Variants in SLC35F4 observed in about 807,000 individuals in gnomAD.
The protein encoded by SLC35F4 is chromosome 14 open reading frame 36.
SLC35F4 carries 24 observed loss-of-function variants against 44.2 expected under a neutral mutation model. The ratio of observed to expected loss-of-function variants is 0.54; its 90% CI spans 0.39 to 0.76. The LOEUF (loss-of-function observed/expected upper bound fraction) is 0.76, where lower values mean the gene tolerates loss of function less well. SLC35F4 is among the 30% of genes least tolerant of loss of function. The pLI is 0.00. For synonymous variants in SLC35F4, 238 were observed against 223.6 expected (o/e 1.06, Z -0.57); for missense variants, 562 against 586.1 (o/e 0.96, Z 0.42).
chr14:57,966,340 A>T (rs999628932), intron 1 of SLC35F4, among the ~76,000 whole-genome samples: 15 of 152,216 alleles, frequency 9.9e-5, no homozygotes, highest in African/African-American at 3.6e-4. Context: ...ATGTTCTGTA[A>T]TTGGGAATTC....
intron 1 of SLC35F4, among the ~76,000 whole-genome samples, chr14:57,743,545 T>G (rs899706952): frequency 6.6e-6 from 1 of 152,212 alleles, no homozygotes; most frequent in Admixed American, 6.5e-5. Flanking sequence ...AATCCCTGAA[T>G]AGACTAATAA....
At chr14:57,566,132 C>T (rs562835022) in intron 7 of SLC35F4, among the ~76,000 whole-genome samples, 8 of 152,248 alleles carry the variant, frequency 5.3e-5, no homozygotes, top group African/African-American at 1.4e-4. Flanking sequence ...TCATTAGTGA[C>T]GGTTACTTGA....
At chr14:57,810,028 A>G (rs551999881) in intron 1 of SLC35F4, among the ~76,000 whole-genome samples, 23 of 152,322 alleles carry the variant, frequency 1.5e-4, no homozygotes, top group African/African-American at 5.1e-4. Flanking sequence ...AGAACGATCT[A>G]CTGTCATTTT....
intron 1 of SLC35F4, chr14:57,837,731 A>G (rs1284934847): frequency 6.6e-6 from 1 of 152,202 alleles, no homozygotes; most frequent in Non-Finnish European, 1.5e-5. Context: ...AATCTTCCCT[A>G]GAAAGGGGCT....
intron 1 of SLC35F4, among the ~76,000 whole-genome samples, chr14:57,619,045 G>A (rs567545563): frequency 6.6e-6 from 1 of 152,226 alleles, no homozygotes; most frequent in Non-Finnish European, 1.5e-5. Context: ...CTCCAGTCAG[G>A]GACTTATAGA....
chr14:57,922,074 A>G (rs1264460512), intron 1 of SLC35F4, among the ~76,000 whole-genome samples: 1 of 152,190 alleles, frequency 6.6e-6, no homozygotes, highest in Non-Finnish European at 1.5e-5. Flanking sequence ...CTGCTGCTAG[A>G]TGAGATCTTT....
At chr14:57,734,046 G>A (rs1456287789) in intron 1 of SLC35F4, among the ~76,000 whole-genome samples, 2 of 152,148 alleles carry the variant, frequency 1.3e-5, no homozygotes, top group East Asian at 1.9e-4. Flanking sequence ...GCCCCATGTA[G>A]CGTAAGGAAA....
At chr14:57,621,435 A>G (rs2072173968) in intron 1 of SLC35F4, among the ~76,000 whole-genome samples, 1 of 152,144 alleles carries the variant, frequency 6.6e-6, no homozygotes, top group Admixed American at 6.5e-5. Context: ...AGGCTACAGT[A>G]ACCAAAACAG....
At chr14:57,874,933 G>C (rs1243387382) in intron 1 of SLC35F4, among the ~76,000 whole-genome samples, 1 of 151,660 alleles carries the variant, frequency 6.6e-6, no homozygotes, top group East Asian at 1.9e-4. Context: ...TATCCAATCT[G>C]TCAACTGTTA....
intron 1 of SLC35F4, among the ~76,000 whole-genome samples, chr14:57,729,555 G>T (rs1460849937): frequency 2.6e-5 from 4 of 152,116 alleles, no homozygotes; most frequent in Admixed American, 6.6e-5. Flanking sequence ...TGGGATGGGG[G>T]CCTCATGACT....
At chr14:57,568,753 G>A (rs2068332361) in intron 6 of SLC35F4, among the ~76,000 whole-genome samples, 1 of 152,162 alleles carries the variant, frequency 6.6e-6, no homozygotes. Flanking sequence ...CCTCAGTAAA[G>A]AAGGTCAGTT....
At chr14:57,801,066 A>C (rs575804416) in intron 1 of SLC35F4, among the ~76,000 whole-genome samples, 1 of 152,176 alleles carries the variant, frequency 6.6e-6, no homozygotes, top group African/African-American at 2.4e-5. Context: ...ACACATAATC[A>C]TCAGATTCTC....
intron 1 of SLC35F4, among the ~76,000 whole-genome samples, chr14:57,692,885 C>T (rs773947312): frequency 2.6e-5 from 4 of 152,074 alleles, no homozygotes; most frequent in Non-Finnish European, 2.9e-5. Flanking sequence ...AGCTAGTGTC[C>T]TAAAAAGTCA....
At chr14:57,776,959 A>C (rs1490508017) in intron 1 of SLC35F4, among the ~76,000 whole-genome samples, 1 of 152,228 alleles carries the variant, frequency 6.6e-6, no homozygotes, top group African/African-American at 2.4e-5. Flanking sequence ...CTAAATGTGG[A>C]AAGGAAAGAT....
At chr14:57,926,332 T>A (rs10047874) in intron 1 of SLC35F4, among the ~76,000 whole-genome samples, 14,713 of 152,252 alleles carry the variant, frequency 0.097, 1,153 homozygotes, top group African/African-American at 0.21. Context: ...CTATGGTTTT[T>A]TTAGAAAGTT....
At chr14:57,630,214 ACAGTT>A (rs1158975933) in intron 1 of SLC35F4, 1 of 564,248 alleles carries the variant, frequency 1.8e-6, no homozygotes, top group Non-Finnish European at 3.5e-6. Flanking sequence ...AAGAATGTGT[ACAGTT>A]CTTCATGCTA....
At chr14:57,857,899 A>G (rs1887275150) in intron 1 of SLC35F4, among the ~76,000 whole-genome samples, 1 of 152,106 alleles carries the variant, frequency 6.6e-6, no homozygotes, top group South Asian at 2.1e-4. Context: ...GCAAAAGAGC[A>G]TGGGCACAAT....
At chr14:57,971,936 G>A (rs73306414), downstream of SLC35F4, among the ~76,000 whole-genome samples, 14,819 of 152,232 alleles carry the variant, frequency 0.097, 942 homozygotes, top group African/African-American at 0.18. Flanking sequence ...AAGCCGAGAT[G>A]GAAAAACCAT....
chr14:57,901,852 T>C (rs1276684408), intron 1 of SLC35F4, among the ~76,000 whole-genome samples: 1 of 152,118 alleles, frequency 6.6e-6, no homozygotes, highest in Non-Finnish European at 1.5e-5. Context: ...CTCAGCATAG[T>C]TAAGAGACTA....
Sources: gnomAD v4.1 joint callset for allele counts (sites outside exome capture counted in the v4.1 genomes callset) on GRCh38, gnomAD v4.1.1 for gene constraint, MANE v1.5 for transcripts, NCBI Gene and HGNC (gene_info 2026-07-23, HGNC 2026-07-21) for gene names.